CDH12: variants seen among roughly 807,000 people sequenced by gnomAD.
CDH12 encodes cadherin-12.
A neutral mutation model predicts 74.1 loss-of-function variants in CDH12; 41 were observed. That is an observed-to-expected ratio of 0.55 (90% CI 0.43 to 0.72). The LOEUF (loss-of-function observed/expected upper bound fraction) is 0.72, where lower values mean the gene tolerates loss of function less well. Among genes scored for constraint, CDH12 ranks in the 30% least tolerant of loss-of-function variants. CDH12 has a pLI of 0.00. For synonymous variants in CDH12, 399 were observed against 355.0 expected (o/e 1.12, Z -1.39); for missense variants, 945 against 977.2 (o/e 0.97, Z 0.44).
intron 2 of CDH12, among the ~76,000 whole-genome samples, chr5:22,427,212 G>A (rs1004754884): frequency 9.9e-5 from 15 of 152,076 alleles, no homozygotes; most frequent in African/African-American, 3.6e-4. Context: ...CTGTCACCCA[G>A]GCTGGAGTGC....
chr5:22,681,219 G>A (rs1741465955), intron 1 of CDH12, among the ~76,000 whole-genome samples: 1 of 137,438 alleles, frequency 7.3e-6, no homozygotes, highest in Non-Finnish European at 1.5e-5. Context: ...AAGCTCCTGG[G>A]TATTGGGGGG....
intron 3 of CDH12, among the ~76,000 whole-genome samples, chr5:22,322,278 G>T (rs886143461): frequency 1.3e-5 from 2 of 151,662 alleles, no homozygotes; most frequent in African/African-American, 2.4e-5. Context: ...TTAAGGCCAA[G>T]CATTAAAAAG....
chr5:22,107,694 A>T (rs1744559440), intron 4 of CDH12, among the ~76,000 whole-genome samples: 1 of 152,136 alleles, frequency 6.6e-6, no homozygotes, highest in Admixed American at 6.5e-5. Flanking sequence ...AGAAGAAATA[A>T]AAAGGTAAAC....
chr5:22,824,474 A>G (rs975279962), intron 1 of CDH12, among the ~76,000 whole-genome samples: 32 of 152,172 alleles, frequency 2.1e-4, no homozygotes, highest in African/African-American at 7.5e-4. Context: ...TAAATAACAT[A>G]TAAATAAATA....
chr5:22,449,187 A>C (rs1744948081), intron 2 of CDH12, among the ~76,000 whole-genome samples: 1 of 152,054 alleles, frequency 6.6e-6, no homozygotes, highest in Non-Finnish European at 1.5e-5. Context: ...AGGCTTGATA[A>C]GAAATAAGTA....
intron 5 of CDH12, among the ~76,000 whole-genome samples, chr5:22,048,073 A>G (rs1580167404): frequency 1.3e-5 from 2 of 152,270 alleles, no homozygotes; most frequent in Admixed American, 1.3e-4. Context: ...GACAGGCTGG[A>G]CAAATCATTG....
intron 1 of CDH12, among the ~76,000 whole-genome samples, chr5:22,750,918 A>AG (rs906846261): frequency 3.0e-5 from 1 of 33,880 alleles, no homozygotes; most frequent in African/African-American, 1.1e-4. Context: ...AATCATAGTG[A>AG]AAAAAAAAAA....
At chr5:21,829,836 T>A (rs933875234) in intron 8 of CDH12, among the ~76,000 whole-genome samples, 1 of 152,156 alleles carries the variant, frequency 6.6e-6, no homozygotes, top group Non-Finnish European at 1.5e-5. Context: ...AGTTATGTGT[T>A]TTTTAATCTG....
intron 5 of CDH12, among the ~76,000 whole-genome samples, chr5:22,033,107 T>C (rs1738938698): frequency 6.6e-6 from 1 of 151,672 alleles, no homozygotes; most frequent in Non-Finnish European, 1.5e-5. Flanking sequence ...ACAAAAGAGC[T>C]ATAATTTTAC....
chr5:22,706,409 C>T (rs547225856), intron 1 of CDH12, among the ~76,000 whole-genome samples: 1 of 151,938 alleles, frequency 6.6e-6, no homozygotes, highest in Non-Finnish European at 1.5e-5. Context: ...AACATATACA[C>T]AAACTAAAAA....
intron 2 of CDH12, among the ~76,000 whole-genome samples, chr5:22,479,892 A>G (rs1012627199): frequency 2.0e-5 from 3 of 152,200 alleles, no homozygotes; most frequent in Admixed American, 2.0e-4. Context: ...TCAACACATT[A>G]AATTCTCAGT....
At chr5:22,760,704 A>C (rs6892744) in intron 1 of CDH12, among the ~76,000 whole-genome samples, 64,246 of 137,696 alleles carry the variant, frequency 0.47, 14,981 homozygotes, top group East Asian at 0.54. Context: ...AAAAAAACAA[A>C]AAAAAAAAGG....
chr5:21,839,149 A>G (rs1749700364), intron 8 of CDH12, among the ~76,000 whole-genome samples: 1 of 152,186 alleles, frequency 6.6e-6, no homozygotes, highest in African/African-American at 2.4e-5. Context: ...TTAAAAAAAT[A>G]AAAATTCAGT....
chr5:21,832,913 AATAT>A (rs1749139878), intron 8 of CDH12, among the ~76,000 whole-genome samples: 1 of 76,868 alleles, frequency 1.3e-5, no homozygotes, highest in African/African-American at 9.2e-5. Flanking sequence ...TATATGATAT[AATAT>A]TAATATATAT....
chr5:21,784,143 CAT>C (rs375394550), intron 10 of CDH12, among the ~76,000 whole-genome samples: 316 of 152,050 alleles, frequency 2.1e-3, no homozygotes, highest in Non-Finnish European at 3.5e-3. Context: ...TATTATGTGA[CAT>C]ATTTGATAAT....
intron 1 of CDH12, among the ~76,000 whole-genome samples, chr5:22,754,149 G>A (rs1213439659): frequency 6.6e-6 from 1 of 152,026 alleles, no homozygotes; most frequent in Non-Finnish European, 1.5e-5. Context: ...CCTAAACAAC[G>A]AACATCATAT....
At chr5:22,216,292 T>A (rs1199101086) in intron 3 of CDH12, among the ~76,000 whole-genome samples, 2 of 152,024 alleles carry the variant, frequency 1.3e-5, no homozygotes, top group African/African-American at 4.8e-5. Context: ...GATTTATGTA[T>A]ACTGGAATAG....
chr5:22,649,111 G>T (rs1739591155), intron 1 of CDH12, among the ~76,000 whole-genome samples: 1 of 151,970 alleles, frequency 6.6e-6, no homozygotes. Context: ...GTCAAAAAAG[G>T]TAGGAGGGTG....
At chr5:22,644,115 A>G (rs1739310840) in intron 1 of CDH12, among the ~76,000 whole-genome samples, 1 of 152,020 alleles carries the variant, frequency 6.6e-6, no homozygotes, top group South Asian at 2.1e-4. Flanking sequence ...ACTGAAATTG[A>G]GCCAATTAAC....
Sources: gnomAD v4.1 joint callset for allele counts (sites outside exome capture counted in the v4.1 genomes callset) on GRCh38, gnomAD v4.1.1 for gene constraint, MANE v1.5 for transcripts, NCBI Gene and HGNC (gene_info 2026-07-23, HGNC 2026-07-21) for gene names.